The following NTRK2 variants were observed in gnomAD, a reference collection of about 807,000 sequenced individuals.
NTRK2 encodes neurotrophic receptor tyrosine kinase 2, also known as BDNF/NT-3 growth factors receptor.
In NTRK2, 13 loss-of-function variants were observed where a neutral mutation model predicts 94.5. That is an observed-to-expected ratio of 0.14 (90% CI 0.09 to 0.22). NTRK2 has a LOEUF of 0.22. NTRK2 is among the 10% of genes least tolerant of loss of function. The probability of loss-of-function intolerance (pLI) is 1.00; values close to 1 mark genes in which losing one functional copy is unlikely to be tolerated. For missense variants in NTRK2, 639 were observed against 1,071.2 expected (o/e 0.60, Z 5.63); for synonymous variants, 372 against 407.4 (o/e 0.91, Z 1.05).
chr9:84,741,999 A>G, intron 10 of NTRK2, 72 bp downstream of exon 10: 2 of 1,302,662 alleles, frequency 1.5e-6, no homozygotes, highest in Admixed American at 3.5e-5. Flanking sequence ...ATCAACTGAA[A>G]GAAGACTCTT....
chr9:84,677,639 G>A (rs1431663640), intron 2 of NTRK2, among the ~76,000 whole-genome samples: 1 of 152,100 alleles, frequency 6.6e-6, no homozygotes, highest in African/African-American at 2.4e-5. Context: ...TAATTTAGGG[G>A]TAGGATCCTA....
At chr9:84,958,308 G>C (rs895339643) in intron 17 of NTRK2, among the ~76,000 whole-genome samples, 1 of 152,092 alleles carries the variant, frequency 6.6e-6, no homozygotes, top group African/African-American at 2.4e-5. Flanking sequence ...TAGCAAAACA[G>C]TGACCATCAT....
At chr9:84,744,170 G>A (rs1240689023) in intron 10 of NTRK2, among the ~76,000 whole-genome samples, 2 of 152,018 alleles carry the variant, frequency 1.3e-5, no homozygotes, top group Non-Finnish European at 2.9e-5. Context: ...ATGCAATATT[G>A]CTAATAAAAA....
At chr9:84,761,140 A>C (rs1370593143) in intron 12 of NTRK2, among the ~76,000 whole-genome samples, 1 of 152,214 alleles carries the variant, frequency 6.6e-6, no homozygotes, top group Non-Finnish European at 1.5e-5. Context: ...TAGTGGCCTG[A>C]GGACAAAGAG....
intron 17 of NTRK2, among the ~76,000 whole-genome samples, chr9:84,987,876 A>C (rs911893622): frequency 2.0e-5 from 3 of 152,174 alleles, no homozygotes; most frequent in African/African-American, 4.8e-5. Context: ...TTAATTAGTG[A>C]TATATATATT....
chr9:84,947,341 C>T (rs2078632908), intron 15 of NTRK2, among the ~76,000 whole-genome samples: 1 of 152,218 alleles, frequency 6.6e-6, no homozygotes, highest in African/African-American at 2.4e-5. Flanking sequence ...AGATCCTTAA[C>T]TTAGTTACAT....
intron 12 of NTRK2, among the ~76,000 whole-genome samples, chr9:84,793,648 T>C (rs1242689491): frequency 6.6e-6 from 1 of 152,214 alleles, no homozygotes; most frequent in African/African-American, 2.4e-5. Context: ...ATGTGCAGCA[T>C]ACATGTAGAC....
At chr9:84,969,567 G>T (rs1242200766) in intron 17 of NTRK2, among the ~76,000 whole-genome samples, 1 of 152,174 alleles carries the variant, frequency 6.6e-6, no homozygotes, top group Non-Finnish European at 1.5e-5. Flanking sequence ...AATAACACGT[G>T]TTTTTGTTAA....
At chr9:84,732,891 TGCTCCA>T (rs1224913029) in intron 9 of NTRK2, among the ~76,000 whole-genome samples, 4 of 152,220 alleles carry the variant, frequency 2.6e-5, no homozygotes, top group African/African-American at 9.6e-5. Flanking sequence ...AATGTGCCTC[TGCTCCA>T]GCTGGCACAA....
chr9:84,875,031 C>T (rs2076012287), intron 14 of NTRK2: 1 of 1,058,528 alleles, frequency 9.4e-7, no homozygotes, highest in Non-Finnish European at 1.1e-6. Flanking sequence ...ACATAAGAAA[C>T]AAAGATGAAA....
intron 14 of NTRK2, among the ~76,000 whole-genome samples, chr9:84,926,771 C>T (rs1252752980): frequency 6.6e-6 from 1 of 152,106 alleles, no homozygotes; most frequent in East Asian, 1.9e-4. Context: ...CTCATGTATT[C>T]CAGGCTCAGC....
chr9:84,940,243 A>C lies in NTRK2; in HGVS notation c.1764+5951A>C, dbSNP rs555232445. Among the ~76,000 whole-genome samples, 4 of 152,340 alleles carry C rather than the reference A, an allele frequency of 2.6e-5. No homozygotes were observed. The South Asian group carries it at 8.3e-4, about 32-fold the overall frequency. Reference sequence around the variant, plus strand: ...AAGAAATCTGACAGAAGAAAGTGAAAGATGACCAACTCAAATAGGAATTGC... The same window carrying C: ...AAGAAATCTGACAGAAGAAAGTGAACGATGACCAACTCAAATAGGAATTGC... On this transcript the variant is annotated intron_variant, in intron 15 of 18. Coordinates refer to ENST00000277120, the MANE Select transcript of NTRK2 (RefSeq NM_006180.6).
In NTRK2 at chr9:84,814,317, A is replaced by C. The variant is rs200412085; in HGVS notation, c.1397-46723A>C. On this transcript the variant is annotated intron_variant, in intron 12 of 18. Transcript: ENST00000277120. ...ACACCTCTTCAGGGGTGTGTGGAGT[A>C]AATAGCTCGAAGAGCTGAAGACAGA... 4.7e-5 allele frequency: 50 copies of C among 1,065,310 alleles called. No individual in the cohort carries two copies. The African/African-American group carries it at 6.4e-4, about 14-fold the overall frequency. 66.0% of individuals were successfully genotyped at this position (1,065,310 alleles called of 1,614,324 possible).
intron 14 of NTRK2, among the ~76,000 whole-genome samples, chr9:84,902,159 G>A (rs2076948395): frequency 6.7e-6 from 1 of 149,940 alleles, no homozygotes; most frequent in South Asian, 2.1e-4. Context: ...TCATGCTACT[G>A]CATTCCAGCC....
At chr9:84,969,640 T>G (rs1002813717) in intron 17 of NTRK2, among the ~76,000 whole-genome samples, 1 of 152,234 alleles carries the variant, frequency 6.6e-6, no homozygotes, top group Admixed American at 6.5e-5. Flanking sequence ...GTGATGATCA[T>G]AAATGATGTT....
At position 84,891,123 on chromosome 9, in the gene NTRK2, G is replaced by T. The variant is rs372221895; in HGVS notation, c.1633+23692G>T. 9.7e-4 allele frequency among the ~76,000 whole-genome samples: 147 copies of T among 152,178 alleles called. 1 individual carries two copies. The highest frequency in any genetic ancestry group is 2.6e-3 in the African/African-American group (107 of 41,490). On this transcript the variant is annotated intron_variant, in intron 14 of 18. Transcript: ENST00000277120. ...CCAAAATGGTTTCTTGCCTGTGGCCGATAGTTGGTGATTGCTGGCAGGGAA... is the reference window on the plus strand; with the variant it reads ...CCAAAATGGTTTCTTGCCTGTGGCCTATAGTTGGTGATTGCTGGCAGGGAA...
chr9:84,738,592 T>C (rs2063415382), intron 9 of NTRK2, among the ~76,000 whole-genome samples: 1 of 152,198 alleles, frequency 6.6e-6, no homozygotes, highest in Non-Finnish European at 1.5e-5. Flanking sequence ...TTTGCTAAAC[T>C]AGGAAGTTGC....
intron 17 of NTRK2, among the ~76,000 whole-genome samples, chr9:84,983,214 T>C (rs1350328654): frequency 2.6e-5 from 4 of 152,172 alleles, no homozygotes; most frequent in Non-Finnish European, 2.9e-5. Context: ...TCTGTCCCCA[T>C]GGTTCCCTGA....
intron 9 of NTRK2, among the ~76,000 whole-genome samples, chr9:84,733,049 G>A (rs115046282): frequency 0.011 from 1,661 of 152,228 alleles, 40 homozygotes; most frequent in African/African-American, 0.037. Flanking sequence ...TACAGGTCAA[G>A]CCAAATGCCA....
Sources: gnomAD v4.1 joint callset for allele counts (sites outside exome capture counted in the v4.1 genomes callset) on GRCh38, gnomAD v4.1.1 for gene constraint, MANE v1.5 for transcripts, NCBI Gene and HGNC (gene_info 2026-07-23, HGNC 2026-07-21) for gene names.